The following IGSF11 variants were observed in gnomAD, a reference collection of about 807,000 sequenced individuals.
The protein encoded by IGSF11 is immunoglobulin superfamily member 11, also known as CXADR like 1.
A neutral mutation model predicts 41.0 loss-of-function variants in IGSF11; 22 were observed. The ratio of observed to expected loss-of-function variants is 0.54; its 90% confidence interval spans 0.38 to 0.77. The LOEUF (loss-of-function observed/expected upper bound fraction) is 0.77. Among genes scored for constraint, IGSF11 ranks in the 30% least tolerant of loss-of-function variants. IGSF11 has a pLI of 0.00. For synonymous variants in IGSF11, 219 were observed against 201.3 expected, an observed-to-expected ratio of 1.09 and a Z score of -0.74; for missense variants, 444 against 530.8, an observed-to-expected ratio of 0.84 and a Z score of 1.61.
At chr3:119,073,343 G>A (rs1449869879) in intron 1 of IGSF11, among the ~76,000 whole-genome samples, 2 of 152,340 alleles carry the variant, frequency 1.3e-5, no homozygotes, top group East Asian at 3.9e-4. Context: ...TTGCCTAGTG[G>A]ATCCCGCGCC....
intron 1 of IGSF11, among the ~76,000 whole-genome samples, chr3:119,012,348 C>T (rs1938229698): frequency 6.6e-6 from 1 of 152,130 alleles, no homozygotes; most frequent in Non-Finnish European, 1.5e-5. Flanking sequence ...CGTGAGCTTC[C>T]CAAATAAGTT....
At chr3:119,050,459 C>G (rs1278077885) in intron 1 of IGSF11, among the ~76,000 whole-genome samples, 1 of 152,068 alleles carries the variant, frequency 6.6e-6, no homozygotes. Flanking sequence ...CCATCTCACA[C>G]CAGTTAGAAT....
At chr3:118,980,712 A>T (rs1934627842) in intron 1 of IGSF11, among the ~76,000 whole-genome samples, 1 of 152,256 alleles carries the variant, frequency 6.6e-6, no homozygotes, top group Non-Finnish European at 1.5e-5. Context: ...AATGATAAAT[A>T]CTTGGATGAC....
upstream of IGSF11, among the ~76,000 whole-genome samples, chr3:119,107,571 T>C (rs906040465): frequency 1.3e-5 from 2 of 152,114 alleles, no homozygotes; most frequent in Admixed American, 1.3e-4. Context: ...TCTTTTGCTG[T>C]GCAGAAGCTC....
At chr3:118,969,196 A>C (rs1486300498) in intron 1 of IGSF11, among the ~76,000 whole-genome samples, 1 of 151,652 alleles carries the variant, frequency 6.6e-6, no homozygotes, top group African/African-American at 2.4e-5. Flanking sequence ...GGTAAATATT[A>C]AAAAAAAATA....
At chr3:119,128,673 AG>A (rs1366182809) in intron 1 of IGSF11, among the ~76,000 whole-genome samples, 1 of 152,240 alleles carries the variant, frequency 6.6e-6, no homozygotes, top group Non-Finnish European at 1.5e-5. Flanking sequence ...ATAATGGTAA[AG>A]GGAACAATTC....
At chr3:118,909,405 T>C (rs1211495491) in intron 4 of IGSF11, among the ~76,000 whole-genome samples, 1 of 152,156 alleles carries the variant, frequency 6.6e-6, no homozygotes, top group Non-Finnish European at 1.5e-5. Context: ...CTGAAAAAGA[T>C]ATTTAATTTT....
upstream of IGSF11, among the ~76,000 whole-genome samples, chr3:119,110,135 TG>T (rs1042653389): frequency 3.5e-4 from 53 of 152,276 alleles, no homozygotes; most frequent in African/African-American, 1.2e-3. Flanking sequence ...GTTCAATTCC[TG>T]GGTATCCTTG....
chr3:119,065,960 G>A lies in IGSF11; in HGVS notation c.49+39184C>T, dbSNP rs144903868. Among the ~76,000 whole-genome samples, 3 of 152,054 alleles carry A rather than the reference G, an allele frequency of 2.0e-5. No homozygotes were observed. In the South Asian group the frequency reaches 6.2e-4, roughly 32 times the overall value. ...ATCAGGGGAGGGCTGTTTTTTAATG[G>A]ACAACCTTTTAAATAAACATAAAAC... On this transcript the variant is annotated intron_variant, in intron 1 of 6. Transcript: ENST00000354673.
intron 1 of IGSF11, among the ~76,000 whole-genome samples, chr3:119,078,814 G>T (rs758601604): frequency 6.6e-6 from 1 of 152,068 alleles, no homozygotes; most frequent in Non-Finnish European, 1.5e-5. Flanking sequence ...CACAAACTAT[G>T]CATCCTACAA....
chr3:119,007,061 GC>G, intron 1 of IGSF11, among the ~76,000 whole-genome samples: 1 of 138,178 alleles, frequency 7.2e-6, no homozygotes, highest in African/African-American at 2.9e-5. Context: ...CCCTCCCCCA[GC>G]CTCGCTGCCG....
At chr3:118,957,877 TC>T (rs1945073096) in intron 1 of IGSF11, among the ~76,000 whole-genome samples, 1 of 152,152 alleles carries the variant, frequency 6.6e-6, no homozygotes, top group African/African-American at 2.4e-5. Context: ...TTTCTTTGCC[TC>T]CAAAAAGGAC....
At chr3:119,048,113 C>A (rs1283848453) in intron 1 of IGSF11, among the ~76,000 whole-genome samples, 1 of 151,802 alleles carries the variant, frequency 6.6e-6, no homozygotes, top group Non-Finnish European at 1.5e-5. Flanking sequence ...CAAACACATT[C>A]AAAAGCTAGC....
At chr3:119,019,971 C>A (rs1939127311) in intron 1 of IGSF11, among the ~76,000 whole-genome samples, 1 of 151,900 alleles carries the variant, frequency 6.6e-6, no homozygotes, top group South Asian at 2.1e-4. Flanking sequence ...GAGATTTATG[C>A]CATTATAAAA....
At chr3:118,932,488 A>G (rs912601726) in intron 1 of IGSF11, among the ~76,000 whole-genome samples, 3 of 152,242 alleles carry the variant, frequency 2.0e-5, no homozygotes, top group Admixed American at 6.5e-5. Context: ...AATGTTTCAT[A>G]AACTGTCTGT....
intron 1 of IGSF11, among the ~76,000 whole-genome samples, chr3:119,019,081 T>C (rs1487019252): frequency 6.6e-6 from 1 of 152,194 alleles, no homozygotes; most frequent in African/African-American, 2.4e-5. Flanking sequence ...GTATCATTTA[T>C]TGAGATTCAA....
At chr3:118,953,048 C>T (rs1215218835) in intron 1 of IGSF11, among the ~76,000 whole-genome samples, 1 of 151,842 alleles carries the variant, frequency 6.6e-6, no homozygotes, top group Non-Finnish European at 1.5e-5. Context: ...ATCCCGCATC[C>T]CCCTTCCAAC....
At chr3:118,943,935 T>C (rs1424002813) in intron 1 of IGSF11, among the ~76,000 whole-genome samples, 2 of 152,232 alleles carry the variant, frequency 1.3e-5, no homozygotes, top group African/African-American at 2.4e-5. Context: ...AATCAACAAG[T>C]AGAGTTATTT....
At chr3:118,923,773 A>G (rs1391380990) in intron 4 of IGSF11, among the ~76,000 whole-genome samples, 1 of 152,218 alleles carries the variant, frequency 6.6e-6, no homozygotes, top group African/African-American at 2.4e-5. Flanking sequence ...AGGTTTCCTC[A>G]TAATGAGATT....
Sources: gnomAD v4.1 joint callset for allele counts (sites outside exome capture counted in the v4.1 genomes callset) on GRCh38, gnomAD v4.1.1 for gene constraint, MANE v1.5 for transcripts, NCBI Gene and HGNC (gene_info 2026-07-23, HGNC 2026-07-21) for gene names.